NRG3: variants seen among roughly 807,000 people sequenced by gnomAD.
NRG3 encodes the protein pro-neuregulin-3, membrane-bound isoform.
Under a neutral mutation model 66.9 loss-of-function variants are expected in NRG3, and 31 were observed. The observed-to-expected ratio is 0.46, with a 90% CI of 0.35 to 0.63. NRG3 has a LOEUF of 0.63. Among genes scored for constraint, NRG3 ranks in the 20% least tolerant of loss-of-function variants. The pLI, the probability that NRG3 is intolerant of heterozygous loss-of-function variation, is 0.00. For missense variants in NRG3, 910 were observed against 878.9 expected (o/e 1.04, Z -0.45); for synonymous variants, 393 against 359.4 (o/e 1.09, Z -1.06).
intron 2 of NRG3, among the ~76,000 whole-genome samples, chr10:82,721,126 T>C (rs1440006278): frequency 5.9e-5 from 2 of 34,092 alleles, no homozygotes; most frequent in Non-Finnish European, 1.1e-4. Context: ...TTTCACCCTT[T>C]TTTTTTTTTT....
chr10:82,156,042 A>G (rs1275074681), intron 1 of NRG3, among the ~76,000 whole-genome samples: 1 of 151,624 alleles, frequency 6.6e-6, no homozygotes, highest in African/African-American at 2.4e-5. Context: ...GTTGAGGCAG[A>G]GATGTTCCTC....
chr10:82,296,766 A>G (rs2080086868), intron 1 of NRG3, among the ~76,000 whole-genome samples: 1 of 151,830 alleles, frequency 6.6e-6, no homozygotes, highest in Non-Finnish European at 1.5e-5. Context: ...TTCCTTCTAT[A>G]TGAGTGTATG....
chr10:82,300,939 T>C (rs1408098556), intron 1 of NRG3, among the ~76,000 whole-genome samples: 1 of 151,892 alleles, frequency 6.6e-6, no homozygotes, highest in African/African-American at 2.4e-5. Flanking sequence ...AAATTCAGCC[T>C]GGGCAACCTA....
chr10:82,542,667 A>C (rs2043621006), intron 2 of NRG3, among the ~76,000 whole-genome samples: 1 of 152,248 alleles, frequency 6.6e-6, no homozygotes, highest in Non-Finnish European at 1.5e-5. Flanking sequence ...AGCTGATAGA[A>C]TAAAACAAGG....
At chr10:82,055,591 TA>T (rs1589938488) in intron 1 of NRG3, among the ~76,000 whole-genome samples, 1 of 152,140 alleles carries the variant, frequency 6.6e-6, no homozygotes, top group Admixed American at 6.6e-5. Context: ...GGTAATTATT[TA>T]ATTTTTTTAT....
chr10:82,552,959 A>G (rs544463642), intron 2 of NRG3, among the ~76,000 whole-genome samples: 3 of 152,088 alleles, frequency 2.0e-5, no homozygotes, highest in African/African-American at 7.2e-5. Flanking sequence ...ATGTACCTCC[A>G]CATGATGTCA....
At chr10:82,048,043 A>G (rs898687643) in intron 1 of NRG3, among the ~76,000 whole-genome samples, 1 of 150,906 alleles carries the variant, frequency 6.6e-6, no homozygotes, top group Non-Finnish European at 1.5e-5. Flanking sequence ...AAACAAGAAG[A>G]GCTAACTATC....
intron 1 of NRG3, among the ~76,000 whole-genome samples, chr10:82,004,958 C>G (rs12573797): frequency 0.063 from 9,621 of 152,306 alleles, 379 homozygotes; most frequent in East Asian, 0.15. Context: ...TTTCTTACGG[C>G]AGCCCTAGCA....
intron 1 of NRG3, among the ~76,000 whole-genome samples, chr10:82,350,328 G>A (rs892795999): frequency 2.6e-5 from 4 of 152,198 alleles, no homozygotes; most frequent in Non-Finnish European, 4.4e-5. Flanking sequence ...CACAGAAAGC[G>A]TGCATTAAGC....
chr10:82,571,075 A>T (rs975956348), intron 2 of NRG3, among the ~76,000 whole-genome samples: 2 of 151,538 alleles, frequency 1.3e-5, no homozygotes, highest in Non-Finnish European at 3.0e-5. Flanking sequence ...GTTTCCATAC[A>T]TAGGTATATA....
At chr10:82,964,223 A>T (rs567665353) in intron 6 of NRG3, among the ~76,000 whole-genome samples, 10 of 152,334 alleles carry the variant, frequency 6.6e-5, no homozygotes, top group Non-Finnish European at 5.9e-5. Flanking sequence ...TTTGCTGATT[A>T]CTGCGAGTGA....
intron 1 of NRG3, among the ~76,000 whole-genome samples, chr10:82,292,493 C>T (rs967222207): frequency 2.0e-5 from 3 of 152,032 alleles, no homozygotes; most frequent in Non-Finnish European, 2.9e-5. Flanking sequence ...CATATTAACC[C>T]CTGAAAAATA....
chr10:82,911,851 C>G (rs1388936542), intron 4 of NRG3, among the ~76,000 whole-genome samples: 2 of 151,726 alleles, frequency 1.3e-5, no homozygotes, highest in Non-Finnish European at 2.9e-5. Context: ...GATCTTTCTT[C>G]TTTTCTAATA....
At chr10:82,139,206 C>T (rs1262997842) in intron 1 of NRG3, among the ~76,000 whole-genome samples, 2 of 152,126 alleles carry the variant, frequency 1.3e-5, no homozygotes, top group African/African-American at 4.8e-5. Context: ...AAGCAAGCTC[C>T]TGAAATATGA....
chr10:82,326,437 G>GCCATA (rs1325457451), intron 1 of NRG3, among the ~76,000 whole-genome samples: 4 of 150,982 alleles, frequency 2.6e-5, no homozygotes, highest in Non-Finnish European at 5.9e-5. Flanking sequence ...CAACTCTATG[G>GCCATA]GTTTATAATT....
intron 1 of NRG3, among the ~76,000 whole-genome samples, chr10:82,321,391 C>T (rs1320650841): frequency 3.9e-5 from 6 of 152,130 alleles, no homozygotes; most frequent in Non-Finnish European, 5.9e-5. Flanking sequence ...CCAAAACCTG[C>T]GTTGAGCACC....
intron 4 of NRG3, among the ~76,000 whole-genome samples, chr10:82,870,694 A>G (rs1213007046): frequency 1.3e-5 from 2 of 151,956 alleles, no homozygotes; most frequent in Non-Finnish European, 1.5e-5. Context: ...AATGTGGAGT[A>G]TTTTTTCATA....
Position 82,776,755 on chromosome 10 carries a change from C to T in NRG3, c.1027+38105C>T, listed in dbSNP as rs189973598. Among the ~76,000 whole-genome samples, 77 of 151,904 alleles carry T rather than the reference C, an allele frequency of 5.1e-4. 1 individual carries two copies. The East Asian group carries it at 0.012, about 23-fold the overall frequency. On this transcript the variant is annotated intron_variant, in intron 3 of 8. Transcript: ENST00000372141. Reference sequence around the variant, plus strand: ...TTCATTCACCACCTTCTTCAACTCGCGTATTTCTGTTTGGTCCTTTCTTAT... The same window carrying T: ...TTCATTCACCACCTTCTTCAACTCGTGTATTTCTGTTTGGTCCTTTCTTAT...
In NRG3 at chr10:82,341,313, T is replaced by G. The variant is rs1038109143; in HGVS notation, c.824-17426T>G. ...TAAAAGAGTCCAAAACTCAGCACGG[T>G]TGGAAATGCAGAATATTAAAGAGAT... On this transcript the variant is annotated intron_variant, in intron 1 of 8. Transcript: ENST00000372141. Among the ~76,000 whole-genome samples, 5 of 152,196 alleles carry G rather than the reference T, an allele frequency of 3.3e-5. No individual in the cohort carries two copies. The South Asian group carries it at 6.2e-4, about 19-fold the overall frequency.
Sources: gnomAD v4.1 joint callset for allele counts (sites outside exome capture counted in the v4.1 genomes callset) on GRCh38, gnomAD v4.1.1 for gene constraint, MANE v1.5 for transcripts, NCBI Gene and HGNC (gene_info 2026-07-23, HGNC 2026-07-21) for gene names.